The following ZRANB3 variants were observed in gnomAD, a reference collection of about 807,000 sequenced individuals.
ZRANB3 encodes the protein DNA annealing helicase and endonuclease ZRANB3.
In ZRANB3, 125 loss-of-function variants were observed where a neutral mutation model predicts 133.8. The ratio of observed to expected loss-of-function variants is 0.93; its 90% CI spans 0.81 to 1.08. The LOEUF is 1.08. Among genes scored for constraint, ZRANB3 ranks in the 50% least tolerant of loss-of-function variants. The pLI, the probability that ZRANB3 is intolerant of heterozygous loss-of-function variation, is 0.00. For synonymous variants in ZRANB3, 387 were observed against 432.7 expected (o/e 0.89, Z 1.31); for missense variants, 1,229 against 1,275.5 (o/e 0.96, Z 0.56).
intron 13 of ZRANB3, among the ~76,000 whole-genome samples, chr2:135,229,445 G>A (rs1347881658): frequency 6.7e-6 from 1 of 148,618 alleles, no homozygotes; most frequent in Non-Finnish European, 1.5e-5. Context: ...TCGGCTCACT[G>A]CAAGCTCCGC....
At chr2:135,247,179 A>G (rs1291285904) in intron 12 of ZRANB3, among the ~76,000 whole-genome samples, 1 of 152,230 alleles carries the variant, frequency 6.6e-6, no homozygotes, top group African/African-American at 2.4e-5. Flanking sequence ...TTGGGACATC[A>G]TGCTGGTCTC....
chr2:135,297,420 T>A (rs1254034754), intron 8 of ZRANB3, among the ~76,000 whole-genome samples: 2 of 152,014 alleles, frequency 1.3e-5, no homozygotes, highest in African/African-American at 4.8e-5. Context: ...GTGAAGCCCA[T>A]TGGAAAAGCG....
At chr2:135,455,895 A>C (rs1690497192) in intron 2 of ZRANB3, among the ~76,000 whole-genome samples, 1 of 152,092 alleles carries the variant, frequency 6.6e-6, no homozygotes, top group African/African-American at 2.4e-5. Flanking sequence ...CGCCCGGCCC[A>C]ACTATTGATT....
intron 3 of ZRANB3, among the ~76,000 whole-genome samples, chr2:135,389,034 T>C (rs552300650): frequency 4.2e-4 from 64 of 152,278 alleles, no homozygotes; most frequent in Non-Finnish European, 6.2e-4. Flanking sequence ...GTCGAGATCG[T>C]GCCACTGCAC....
chr2:135,215,487 A>C (rs915076895), intron 17 of ZRANB3, among the ~76,000 whole-genome samples: 4 of 151,960 alleles, frequency 2.6e-5, no homozygotes, highest in African/African-American at 9.7e-5. Flanking sequence ...CTCTGGGCTC[A>C]AGCAGTCTGT....
chr2:135,257,684 T>C (rs1438072356), intron 12 of ZRANB3, among the ~76,000 whole-genome samples: 1 of 152,254 alleles, frequency 6.6e-6, no homozygotes, highest in Non-Finnish European at 1.5e-5. Flanking sequence ...TAGATGTTTA[T>C]ATAATGAATG....
intron 6 of ZRANB3, among the ~76,000 whole-genome samples, chr2:135,323,029 T>G (rs1228127386): frequency 1.3e-5 from 2 of 152,098 alleles, no homozygotes; most frequent in Non-Finnish European, 2.9e-5. Context: ...AAATTTTTTT[T>G]TTTTTAGTCT....
intron 12 of ZRANB3, among the ~76,000 whole-genome samples, chr2:135,265,141 T>A (rs1449663532): frequency 6.6e-6 from 1 of 152,218 alleles, no homozygotes; most frequent in African/African-American, 2.4e-5. Flanking sequence ...CAAATATCTT[T>A]ACTGAGTCTG....
intron 12 of ZRANB3, among the ~76,000 whole-genome samples, chr2:135,236,962 C>G (rs543097880): frequency 6.6e-6 from 1 of 151,970 alleles, no homozygotes; most frequent in Non-Finnish European, 1.5e-5. Context: ...AACTAAAGAG[C>G]TTCTGCACAG....
chr2:135,225,424 T>C (rs1323131125), intron 14 of ZRANB3, among the ~76,000 whole-genome samples: 2 of 152,226 alleles, frequency 1.3e-5, no homozygotes, highest in East Asian at 3.8e-4. Context: ...CTTTACAAAC[T>C]TGATTTATGA....
At chr2:135,245,593 A>T (rs1335096554) in intron 12 of ZRANB3, among the ~76,000 whole-genome samples, 2 of 151,692 alleles carry the variant, frequency 1.3e-5, no homozygotes, top group East Asian at 4.0e-4. Flanking sequence ...CTGGGACTAC[A>T]AGCATGTGCC....
chr2:135,202,694 G>T, intron 20 of ZRANB3, 138 bp downstream of exon 20: 1 of 1,045,434 alleles, frequency 9.6e-7, no homozygotes, highest in Non-Finnish European at 1.3e-6. Context: ...GGCAAGTGTT[G>T]GGTGATGAAA....
At chr2:135,255,992 C>T (rs1452438036) in intron 12 of ZRANB3, among the ~76,000 whole-genome samples, 3 of 150,482 alleles carry the variant, frequency 2.0e-5, no homozygotes, top group Non-Finnish European at 2.9e-5. Context: ...CGGCTCACTA[C>T]AGACTCGACC....
At chr2:135,237,710 A>G (rs1695359124) in intron 12 of ZRANB3, among the ~76,000 whole-genome samples, 1 of 151,286 alleles carries the variant, frequency 6.6e-6, no homozygotes, top group South Asian at 2.1e-4. Context: ...TAAACACCAC[A>G]TGTCCTCACT....
At chr2:135,431,929 C>T (rs974923911) in intron 2 of ZRANB3, among the ~76,000 whole-genome samples, 5 of 151,968 alleles carry the variant, frequency 3.3e-5, no homozygotes, top group South Asian at 2.1e-4. Flanking sequence ...AACTGCATAC[C>T]GTGAGCCGAG....
At position 135,435,042 on chromosome 2, in the gene ZRANB3, G is replaced by A. The variant is rs377251332; in HGVS notation, c.162-44222C>T. Among the ~76,000 whole-genome samples, 6 of 151,486 alleles carry A rather than the reference G, an allele frequency of 4.0e-5. No homozygotes were observed. The East Asian group carries it at 7.8e-4, about 20-fold the overall frequency. On this transcript the variant is annotated intron_variant, in intron 2 of 20. Transcript: ENST00000264159. ...GTACATGTGAAGGTTTGTTACAGAG[G>A]TAAACATTCGTCACAGGGGTTTGTT... is the stretch of plus-strand genomic sequence containing the variant.
At chr2:135,386,925 G>T (rs951722966) in intron 3 of ZRANB3, among the ~76,000 whole-genome samples, 3 of 151,536 alleles carry the variant, frequency 2.0e-5, no homozygotes, top group African/African-American at 7.3e-5. Flanking sequence ...AACCAACATG[G>T]CACATGTATA....
At chr2:135,414,471 A>G (rs900532107) in intron 2 of ZRANB3, among the ~76,000 whole-genome samples, 4 of 152,162 alleles carry the variant, frequency 2.6e-5, no homozygotes, top group African/African-American at 7.2e-5. Context: ...TGAGTGACCT[A>G]CAAAGAGACT....
chr2:135,481,204 T>C lies in ZRANB3; in HGVS notation c.161+23125A>G, dbSNP rs575284232. 2.9e-3 allele frequency among the ~76,000 whole-genome samples: 446 copies of C among 151,324 alleles called. 3 individuals are homozygous for C. The highest frequency in any genetic ancestry group is 0.01 in the African/African-American group (413 of 41,164). ...GGAATCGCCACACTGACTTCCACAA[T>C]GGATGAACTAGTTTACAGTCCCACC... On this transcript the variant is annotated intron_variant, in intron 2 of 20. Coordinates refer to ENST00000264159, the MANE Select transcript of ZRANB3 (RefSeq NM_032143.4).
Sources: gnomAD v4.1 joint callset for allele counts (sites outside exome capture counted in the v4.1 genomes callset) on GRCh38, gnomAD v4.1.1 for gene constraint, MANE v1.5 for transcripts, NCBI Gene and HGNC (gene_info 2026-07-23, HGNC 2026-07-21) for gene names.